Variants in THBS4 observed in about 807,000 individuals in gnomAD.
THBS4 encodes thrombospondin 4, also known as thrombospondin-4.
THBS4 carries 90 observed loss-of-function variants against 115.7 expected under a neutral mutation model. That is an observed-to-expected ratio of 0.78 (90% CI 0.66 to 0.93). The LOEUF (loss-of-function observed/expected upper bound fraction) is 0.93. THBS4 is among the 40% of genes least tolerant of loss of function. THBS4 has a pLI of 0.00. For synonymous variants in THBS4, 460 were observed against 479.3 expected (o/e 0.96, Z 0.53); for missense variants, 1,087 against 1,232.7 (o/e 0.88, Z 1.77).
intron 1 of THBS4, among the ~76,000 whole-genome samples, chr5:79,996,430 C>T (rs961252217): frequency 1.1e-4 from 16 of 151,936 alleles, no homozygotes; most frequent in African/African-American, 3.9e-4. Context: ...ATTTTAGTAC[C>T]ACTTAAAAGT....
chr5:80,055,660 TCCAGCAAC>T lies in THBS4; in HGVS notation c.293-120_293-113del, dbSNP rs1833398959. ...GTGGTTATTTCTCACTCACATTCCGTCCAGCAACCCAGTCTTGTTACCAGGAGGCTGTT... is the reference window on the plus strand; with the variant it reads ...GTGGTTATTTCTCACTCACATTCCGTCCAGTCTTGTTACCAGGAGGCTGTT... On this transcript the variant is annotated intron_variant, in intron 2 of 21. Coordinates refer to ENST00000350881, the MANE Select transcript of THBS4 (RefSeq NM_003248.6). 8.8e-5 allele frequency: 118 copies of T among 1,347,186 alleles called. 1 individual carries two copies. The Admixed American group carries it at 9.0e-4, about 10-fold the overall frequency. The allele number at this position is 1,347,186 out of a possible 1,614,324, so 83.5% of individuals were successfully genotyped here. A position where few individuals can be genotyped will look rare whatever the true frequency, so the allele number is the denominator to read the frequency against.
intron 2 of THBS4, among the ~76,000 whole-genome samples, chr5:80,011,931 A>G (rs1441280501): frequency 6.6e-6 from 1 of 152,110 alleles, no homozygotes; most frequent in Non-Finnish European, 1.5e-5. Flanking sequence ...GTATTGACCC[A>G]AGAAAGCACT....
intron 21 of THBS4, 141 bp from the exon 22 acceptor site, chr5:80,082,939 G>A (rs372041375): frequency 3.9e-6 from 3 of 766,934 alleles, no homozygotes; most frequent in Non-Finnish European, 6.7e-6. Flanking sequence ...CAGCCTGCAG[G>A]AGAAAATGGC....
intron 2 of THBS4, among the ~76,000 whole-genome samples, chr5:80,029,803 C>CAAAAA (rs762953430): frequency 7.4e-6 from 1 of 135,986 alleles, no homozygotes; most frequent in East Asian, 2.1e-4. Flanking sequence ...ACTAAAAATA[C>CAAAAA]AAAAAAAAAA....
At chr5:80,077,122 C>A in intron 16 of THBS4, 74 bp downstream of exon 16, 1 of 1,360,630 alleles carries the variant, frequency 7.3e-7, no homozygotes, top group Non-Finnish European at 9.9e-7. Flanking sequence ...GCACGCCTCT[C>A]TCCAGGCACC....
At chr5:80,083,003 C>A in intron 21 of THBS4, 77 bp from the exon 22 acceptor site, 1 of 1,367,522 alleles carries the variant, frequency 7.3e-7, no homozygotes, top group Non-Finnish European at 1.0e-6. Context: ...CTACAGGACG[C>A]CTGAGCCGCG....
At chr5:80,007,073 C>T (rs1037821567) in intron 2 of THBS4, among the ~76,000 whole-genome samples, 1 of 152,110 alleles carries the variant, frequency 6.6e-6, no homozygotes, top group Non-Finnish European at 1.5e-5. Flanking sequence ...CAAGGAGATA[C>T]AGTCTCAGAA....
chr5:80,024,132 C>T (rs1490348735), intron 2 of THBS4, among the ~76,000 whole-genome samples: 1 of 152,148 alleles, frequency 6.6e-6, no homozygotes, highest in Non-Finnish European at 1.5e-5. Context: ...TATTCATCCT[C>T]CAACTAAGAA....
At chr5:80,065,033 C>T (rs899672508) in intron 8 of THBS4, among the ~76,000 whole-genome samples, 1 of 151,186 alleles carries the variant, frequency 6.6e-6, no homozygotes, top group Non-Finnish European at 1.5e-5. Flanking sequence ...AGAAAGCAGT[C>T]GGGGGAAGCT....
Position 80,041,726 on chromosome 5 carries a change from G to C in THBS4, c.292+1446G>C, listed in dbSNP as rs543841867. Among the ~76,000 whole-genome samples, 6 of 152,178 alleles carry C rather than the reference G, an allele frequency of 3.9e-5. No homozygotes were observed. In the South Asian group the frequency reaches 8.3e-4, roughly 21 times the overall value. ...TTGCCTTCTCCTCCACTCCTTCCCC[G>C]GGGGACAACACCTGTTCCTGTTTAT... On this transcript the variant is annotated intron_variant, in intron 2 of 21. Coordinates refer to ENST00000350881, the MANE Select transcript of THBS4 (RefSeq NM_003248.6).
chr5:80,070,261 G>A, intron 10 of THBS4, 45 bp from the exon 11 acceptor site: 3 of 1,505,656 alleles, frequency 2.0e-6, no homozygotes, highest in Non-Finnish European at 1.8e-6. Flanking sequence ...CCAGCTTCCT[G>A]CCAGGCTCAG....
At chr5:80,009,542 A>T (rs1468382480) in intron 2 of THBS4, among the ~76,000 whole-genome samples, 2 of 152,166 alleles carry the variant, frequency 1.3e-5, no homozygotes, top group African/African-American at 4.8e-5. Flanking sequence ...AGTGAGAGTC[A>T]CTAAGCATTC....
At chr5:80,070,836 T>G (rs1834020727) in intron 12 of THBS4, 86 bp downstream of exon 12, 1 of 1,566,492 alleles carries the variant, frequency 6.4e-7, no homozygotes, top group African/African-American at 1.4e-5. Context: ...TGTATATGAA[T>G]CATCCCAAAT....
chr5:80,023,503 G>C (rs1832419142), intron 2 of THBS4, among the ~76,000 whole-genome samples: 1 of 152,164 alleles, frequency 6.6e-6, no homozygotes, highest in Non-Finnish European at 1.5e-5. Context: ...CTTGTTCAAA[G>C]ATTGTCAACA....
At chr5:80,060,941 C>T (rs924031996) in intron 7 of THBS4, among the ~76,000 whole-genome samples, 1 of 152,202 alleles carries the variant, frequency 6.6e-6, no homozygotes, top group Non-Finnish European at 1.5e-5. Context: ...CACACTGACT[C>T]CCTGGGGCTC....
chr5:80,049,930 A>G (rs1268431422), intron 2 of THBS4, among the ~76,000 whole-genome samples: 1 of 152,236 alleles, frequency 6.6e-6, no homozygotes, highest in Non-Finnish European at 1.5e-5. Flanking sequence ...CAGGAATCTA[A>G]CAGAGCAGCC....
chr5:80,006,756 G>A (rs897444424), intron 2 of THBS4, among the ~76,000 whole-genome samples: 2 of 152,094 alleles, frequency 1.3e-5, no homozygotes, highest in Non-Finnish European at 2.9e-5. Flanking sequence ...AAGGGGGCAG[G>A]GTGGATGATG....
At chr5:80,048,226 A>G (rs1833137621) in intron 2 of THBS4, among the ~76,000 whole-genome samples, 1 of 152,256 alleles carries the variant, frequency 6.6e-6, no homozygotes, top group Admixed American at 6.5e-5. Flanking sequence ...ATTAGGATCC[A>G]TTGGTAGAAG....
chr5:80,083,013 G>A, intron 21 of THBS4, 67 bp from the exon 22 acceptor site: 1 of 1,458,132 alleles, frequency 6.9e-7, no homozygotes, highest in Admixed American at 1.7e-5. Flanking sequence ...CCTGAGCCGC[G>A]GGCGGGGGTC....
Sources: allele counts gnomAD v4.1 joint callset (sites outside exome capture counted in the v4.1 genomes callset), GRCh38; gene constraint gnomAD v4.1.1; transcripts MANE v1.5; gene names NCBI Gene and HGNC (gene_info 2026-07-23, HGNC 2026-07-21).